SLITRK5: variants seen among roughly 807,000 people sequenced by gnomAD.
SLITRK5 encodes SLIT and NTRK-like protein 5.
Under a neutral mutation model 56.2 loss-of-function variants are expected in SLITRK5, and 23 were observed. The ratio of observed to expected loss-of-function variants is 0.41; its 90% confidence interval spans 0.29 to 0.58. The LOEUF is 0.58. Ranked by LOEUF, SLITRK5 falls within the 20% of genes least tolerant of loss-of-function variation. SLITRK5 has a pLI of 0.30. For missense variants in SLITRK5, 1,289 were observed against 1,226.6 expected, an observed-to-expected ratio of 1.05 and a Z score of -0.76; for synonymous variants, 637 against 531.8, an observed-to-expected ratio of 1.20 and a Z score of -2.72.
intron 1 of SLITRK5, chr13:87,674,497 C>A: frequency 1.7e-6 from 1 of 600,512 alleles, no homozygotes; most frequent in Non-Finnish European, 2.1e-6. Context: ...GGGAGGTATT[C>A]GGAGATTGCG....
Position 87,677,994 on chromosome 13 carries a change from C to G in SLITRK5, c.2606C>G (p.Pro869Arg), listed in dbSNP as rs755385290. 3.7e-6 allele frequency: 6 copies of G among 1,614,154 alleles called. No individual in the cohort carries two copies. Among genetic ancestry groups the G allele is most frequent in the Admixed American group, 1.7e-5 (1 of 60,034 alleles). The change falls in exon 2 of 2, where the codon CCC (proline) becomes CGC (arginine). Residue 869 changes from proline to arginine, a missense_variant. Pro to Arg is a moderately radical substitution (Grantham distance 103). Coordinates refer to ENST00000683689, the MANE Select transcript of SLITRK5 (RefSeq NM_001384609.1). This position sits in a 1 kb window ranked among gnomAD's most constrained non-coding sequence, Gnocchi z 4.7. ...CCAGACAAACACTGCTCCACCACCCCCGCCGGCAATAGCCTCCCGGAATAT... is the reference window on the plus strand; with the variant it reads ...CCAGACAAACACTGCTCCACCACCCGCGCCGGCAATAGCCTCCCGGAATAT... ...LEPDKHCSTT[P>R]AGNSLPEYPK...
chr13:87,673,538 G>A, intron 1 of SLITRK5: 1 of 1,282,668 alleles, frequency 7.8e-7, no homozygotes, highest in Non-Finnish European at 1.0e-6. Flanking sequence ...CTGAATGGAT[G>A]TGCGGATTTG....
rs766695904 is a variant in SLITRK5, at chr13:87,675,478, A to G, written c.90A>G (p.Val30=). The G allele has an allele frequency of 6.2e-7, 1 of 1,614,194 alleles. No individual in the cohort carries two copies. The highest frequency in any genetic ancestry group is 8.5e-7 in the Non-Finnish European group (1 of 1,180,020). Residue 30 remains valine (V), a synonymous_variant, in exon 2 of 2, where the codon GTA becomes GTG. Coordinates refer to ENST00000683689, the MANE Select transcript of SLITRK5 (RefSeq NM_001384609.1). ...SWMLQTLAFA[V]TSLVLSCAET... The stretch of plus-strand genomic sequence containing the variant: ...TGCTGCAGACTCTAGCGTTTGCTGT[A>G]ACATCTCTCGTCCTTTCGTGTGCAG...
At position 87,676,355 on chromosome 13, in the gene SLITRK5, G is replaced by A; in HGVS notation, c.967G>A (p.Val323Ile). Residue 323 changes from valine to isoleucine, a missense_variant, in exon 2 of 2, where the codon GTT (valine) becomes ATT (isoleucine). This residue lies in a region of SLITRK5 where 985 missense variants were observed against 906.0 expected (regional missense o/e 1.09). Coordinates refer to ENST00000683689, the MANE Select transcript of SLITRK5 (RefSeq NM_001384609.1). ...VNSVATSSSA[V>I]YKPPLKPPKG... ...TTCTGTGGCCACTTCTTCCTCTGCT[G>A]TTTACAAACCCCCTTTGAAGCCCCC... 6.2e-7 allele frequency: 1 copy of A among 1,614,110 alleles called. No individual in the cohort carries two copies. The highest frequency in any genetic ancestry group is 8.5e-7 in the Non-Finnish European group (1 of 1,180,010).
At position 87,676,926 on chromosome 13, in the gene SLITRK5, A is replaced by G. The variant is rs765995131; in HGVS notation, c.1538A>G (p.Asn513Ser). The G allele has an allele frequency of 1.2e-6, 2 of 1,613,984 alleles. No homozygotes were observed. The highest frequency in any genetic ancestry group is 1.7e-6 in the Non-Finnish European group (2 of 1,180,012). ...PVPNLQLLFL[N>S]NNLLQAMPSG... ...CCAAACCTCCAGCTGCTATTCTTGA[A>G]TAACAACCTCCTGCAGGCCATGCCC... Residue 513 changes from asparagine (N) to serine (S), a missense_variant, in exon 2 of 2, where the codon AAT becomes AGT. Coordinates refer to ENST00000683689, the MANE Select transcript of SLITRK5 (RefSeq NM_001384609.1).
Position 87,675,692 on chromosome 13 carries a change from G to T in SLITRK5, c.304G>T (p.Val102Phe), listed in dbSNP as rs1167693029. ...GAACCGTCTCTATCCCAATGAGTTT[G>T]TCAATTACACTGGGGCTTCAATTTT... ...LLNRLYPNEF[V>F]NYTGASILHL... is the part of the protein sequence containing the mutation. The change falls in exon 2 of 2, where the codon GTC becomes TTC. Residue 102 changes from valine to phenylalanine, a missense_variant. By Grantham distance (50) the Val-to-Phe change is conservative. Coordinates refer to ENST00000683689, the MANE Select transcript of SLITRK5 (RefSeq NM_001384609.1). 1.2e-6 allele frequency: 2 copies of T among 1,614,160 alleles called. No individual in the cohort carries two copies. The highest frequency in any genetic ancestry group is 2.2e-5 in the East Asian group (1 of 44,876).
rs775367976 is a variant in SLITRK5 at position 87,676,165 on chromosome 13, G to A, written c.777G>A (p.Val259=). Residue 259 remains valine (V), a synonymous_variant, in exon 2 of 2, where the codon GTG becomes GTA. Coordinates refer to ENST00000683689, the MANE Select transcript of SLITRK5 (RefSeq NM_001384609.1). ...WLDSISYSAL[V]GDVVCETPFR... ...ACAGCATCTCCTATTCAGCCCTGGTGGGGGATGTAGTTTGTGAGACCCCCT... is the reference window on the plus strand; with the variant it reads ...ACAGCATCTCCTATTCAGCCCTGGTAGGGGATGTAGTTTGTGAGACCCCCT... 4.3e-6 allele frequency: 7 copies of A among 1,614,108 alleles called. No homozygotes were observed. The highest frequency in any genetic ancestry group is 5.9e-6 in the Non-Finnish European group (7 of 1,180,020).
In SLITRK5 at chr13:87,677,705, G is replaced by C. The variant is rs573703934; in HGVS notation, c.2317G>C (p.Val773Leu). ...PIYRSREGNS[V>L]EDYKDLHELK... ...CTACCGCTCCCGAGAGGGCAACTCC[G>C]TAGAGGATTACAAAGACCTGCACGA... Residue 773 changes from valine (V) to leucine (L), a missense_variant, in exon 2 of 2, where the codon GTA becomes CTA. Physicochemically the swap from Val to Leu is conservative, Grantham distance 32. This residue lies in a region of SLITRK5 where 985 missense variants were observed against 906.0 expected (regional missense o/e 1.09). Transcript: ENST00000683689. This position sits in a 1 kb window ranked among gnomAD's most constrained non-coding sequence, Gnocchi z 4.7. 8.1e-6 allele frequency: 13 copies of C among 1,610,704 alleles called. No homozygotes were observed. The highest frequency in any genetic ancestry group is 6.7e-5 in the East Asian group (3 of 44,722).
In SLITRK5 at chr13:87,677,183, G is replaced by T. The variant is rs377281360; in HGVS notation, c.1795G>T (p.Ala599Ser). 11 of 1,614,168 alleles carry T rather than the reference G, an allele frequency of 6.8e-6. No homozygotes were observed. Among genetic ancestry groups the T allele is most frequent in the South Asian group, 4.4e-5 (4 of 91,088 alleles). ...EVICKAPKKF[A>S]ETDMRSIKSE... ...GATCTGTAAGGCGCCCAAAAAATTC[G>T]CTGAGACCGACATGCGCTCCATTAA... Residue 599 changes from alanine (A) to serine (S), a missense_variant, in exon 2 of 2, where the codon GCT becomes TCT. Around this residue, in one of 3 missense-constraint regions of SLITRK5, gnomAD observed 985 missense variants for 906.0 expected, o/e 1.09. Coordinates refer to ENST00000683689, the MANE Select transcript of SLITRK5 (RefSeq NM_001384609.1). This position sits in a 1 kb window ranked among gnomAD's most constrained non-coding sequence, Gnocchi z 4.7.
chr13:87,677,493 C>A lies in SLITRK5; in HGVS notation c.2105C>A (p.Thr702Asn), dbSNP rs1174712095. ...AAGAACCAGAGCGACCACACCAGCA[C>A]CAACAACTCCGACGTGAGCTCCTTT... ...RKKNQSDHTS[T>N]NNSDVSSFNM... is the part of the protein sequence containing the mutation. Residue 702 changes from threonine (T) to asparagine (N), a missense_variant, in exon 2 of 2, where the codon ACC (threonine) becomes AAC (asparagine). Around this residue, in one of 3 missense-constraint regions of SLITRK5, gnomAD observed 985 missense variants for 906.0 expected, o/e 1.09. Coordinates refer to ENST00000683689, the MANE Select transcript of SLITRK5 (RefSeq NM_001384609.1). This position sits in a 1 kb window ranked among gnomAD's most constrained non-coding sequence, Gnocchi z 4.7. 1.9e-6 allele frequency: 3 copies of A among 1,611,814 alleles called. No individual in the cohort carries two copies. Among genetic ancestry groups the A allele is most frequent in the Non-Finnish European group, 2.5e-6 (3 of 1,179,930 alleles).
chr13:87,673,848 C>A (rs1315533341), intron 1 of SLITRK5, among the ~76,000 whole-genome samples: 1 of 152,082 alleles, frequency 6.6e-6, no homozygotes, highest in Non-Finnish European at 1.5e-5. Context: ...TCGGAAACAT[C>A]TTGGCTTTAG....
Position 87,677,312 on chromosome 13 carries a change from C to G in SLITRK5, c.1924C>G (p.Arg642Gly), listed in dbSNP as rs745820982. The change falls in exon 2 of 2, where the codon CGG (arginine) becomes GGG (glycine). Residue 642 changes from arginine to glycine, a missense_variant. Physicochemically the swap from Arg to Gly is moderately radical, Grantham distance 125. Coordinates refer to ENST00000683689, the MANE Select transcript of SLITRK5 (RefSeq NM_001384609.1). The surrounding 1 kb of genome is among the most constrained non-coding windows in gnomAD (Gnocchi z 4.7). ...ARTSAVTPAV[R>G]LNSTGAPASL... ...GACCAGCGCCGTGACTCCTGCGGTC[C>G]GGTTGAATAGCACCGGGGCCCCCGC... 2.5e-6 allele frequency: 4 copies of G among 1,614,002 alleles called. No individual in the cohort carries two copies. The highest frequency in any genetic ancestry group is 3.4e-6 in the Non-Finnish European group (4 of 1,180,036).
Position 87,676,254 on chromosome 13 carries a change from T to G in SLITRK5, c.866T>G (p.Ile289Ser), listed in dbSNP as rs1179483559. Residue 289 changes from isoleucine to serine, a missense_variant, in exon 2 of 2, where the codon ATT (isoleucine) becomes AGT (serine). Ile to Ser is a moderately radical substitution (Grantham distance 142). This residue lies in a region of SLITRK5 where 985 missense variants were observed against 906.0 expected (regional missense o/e 1.09). Coordinates refer to ENST00000683689, the MANE Select transcript of SLITRK5 (RefSeq NM_001384609.1). ...SKQELCPRRL[I>S]SDYEMRPQTP... ...CAGGAACTTTGCCCAAGGAGACTTATTTCTGACTACGAGATGAGGCCGCAG... is the reference window on the plus strand; with the variant it reads ...CAGGAACTTTGCCCAAGGAGACTTAGTTCTGACTACGAGATGAGGCCGCAG... The G allele has an allele frequency of 3.7e-6, 6 of 1,614,018 alleles. No individual in the cohort carries two copies. Among genetic ancestry groups the G allele is most frequent in the Non-Finnish European group, 5.1e-6 (6 of 1,180,036 alleles).
intron 1 of SLITRK5, chr13:87,673,442 TG>T (rs1877130129): frequency 1.7e-6 from 1 of 571,956 alleles, no homozygotes; most frequent in Admixed American, 2.5e-5. Context: ...CTGGCTGGAC[TG>T]AATTTGCAAT....
Position 87,676,839 on chromosome 13 carries a change from A to G in SLITRK5, c.1451A>G (p.Gln484Arg). ...PELFYGLQSL[Q>R]YLFLQYNLIR... ...TTATTCTATGGCCTGCAGAGCCTGCAGTATCTCTTCCTCCAGTACAATCTC... is the reference window on the plus strand; with the variant it reads ...TTATTCTATGGCCTGCAGAGCCTGCGGTATCTCTTCCTCCAGTACAATCTC... Residue 484 changes from glutamine to arginine, a missense_variant, in exon 2 of 2, where the codon CAG becomes CGG. This residue lies in a region of SLITRK5 where 985 missense variants were observed against 906.0 expected (regional missense o/e 1.09). Coordinates refer to ENST00000683689, the MANE Select transcript of SLITRK5 (RefSeq NM_001384609.1). 1 of 1,614,120 alleles carries G rather than the reference A, an allele frequency of 6.2e-7. No homozygotes were observed. The highest frequency in any genetic ancestry group is 1.1e-5 in the South Asian group (1 of 91,082).
At position 87,675,517 on chromosome 13, in the gene SLITRK5, T is replaced by C. The variant is rs931666313; in HGVS notation, c.129T>C (p.Tyr43=). Residue 43 remains tyrosine (Y), a synonymous_variant, in exon 2 of 2, where the codon TAT becomes TAC. Coordinates refer to ENST00000683689, the MANE Select transcript of SLITRK5 (RefSeq NM_001384609.1). ...TTTCGTGTGCAGAAACCATCGATTA[T>C]TATGGGGAAATCTGTGACAATGCAT... ...LVLSCAETID[Y]YGEICDNACP... 8.7e-6 allele frequency: 14 copies of C among 1,614,058 alleles called. No homozygotes were observed. Among genetic ancestry groups the C allele is most frequent in the Non-Finnish European group, 1.0e-5 (12 of 1,180,048 alleles).
Position 87,672,072 on chromosome 13 carries a change from G to T in SLITRK5, c.-146G>T, listed in dbSNP as rs1471028297. Among the ~76,000 whole-genome samples the T allele has an allele frequency of 2.0e-5, 3 of 152,096 alleles. No homozygotes were observed. Among genetic ancestry groups the T allele is most frequent in the Admixed American group, 6.5e-5 (1 of 15,284 alleles). Reference sequence around the variant, plus strand: ...CAGGGGGGAATGTGGTGAAGACGGCGAGGAGGAGAGCCGAGGGGGGAGGGG... The same window carrying T: ...CAGGGGGGAATGTGGTGAAGACGGCTAGGAGGAGAGCCGAGGGGGGAGGGG... On this transcript the variant is annotated 5_prime_UTR_variant, in exon 1 of 2. The change creates a premature stop within an existing upstream ORF in the 5' untranslated region. Transcript: ENST00000683689.
rs993259831 is a variant in SLITRK5 at position 87,677,047 on chromosome 13, G to C, written c.1659G>C (p.Lys553Asn). Residue 553 changes from lysine (K) to asparagine (N), a missense_variant, in exon 2 of 2, where the codon AAG becomes AAC. Physicochemically the swap from Lys to Asn is moderately conservative, Grantham distance 94 (BLOSUM62 0). Transcript: ENST00000683689. The surrounding 1 kb of genome is among the most constrained non-coding windows in gnomAD (Gnocchi z 4.7). ...TGAGTGGAGTTTTGGACCAGCTGAA[G>C]TCACTCATCCAAATCGACCTGCATG... Reference protein sequence around the residue: ...LPVSGVLDQLKSLIQIDLHDN... With the variant: ...LPVSGVLDQLNSLIQIDLHDN... The C allele has an allele frequency of 1.9e-6, 3 of 1,614,096 alleles. No individual in the cohort carries two copies. In the Admixed American group the frequency reaches 5.0e-5, roughly 27 times the overall value.
At position 87,673,618 on chromosome 13, in the gene SLITRK5, T is replaced by C. The variant is rs966619398; in HGVS notation, c.-9+1409T>C. 27 of 837,442 alleles carry C rather than the reference T, an allele frequency of 3.2e-5. No homozygotes were observed. The Admixed American group carries it at 5.8e-4, about 18-fold the overall frequency. The allele number at this position is 837,442 out of a possible 1,614,324, so 51.9% of individuals were successfully genotyped here. A position where few individuals can be genotyped will look rare whatever the true frequency, so the allele number is the denominator to read the frequency against. Reference sequence around the variant, plus strand: ...CTGGGGTGGGGATGTTTTTGCCGCTTTTAAGCCGGGAGACGTTTACCGTTG... The same window carrying C: ...CTGGGGTGGGGATGTTTTTGCCGCTCTTAAGCCGGGAGACGTTTACCGTTG... On this transcript the variant is annotated intron_variant, in intron 1 of 1. Transcript: ENST00000683689.
Sources: gnomAD v4.1 joint callset for allele counts (sites outside exome capture counted in the v4.1 genomes callset) on GRCh38, gnomAD v4.1.1 for gene constraint, gnomAD v4.1.1 regional missense constraint, Gnocchi (gnomAD v3.1) non-coding constraint, MANE v1.5 for transcripts, NCBI Gene and HGNC (gene_info 2026-07-23, HGNC 2026-07-21) for gene names.